Variants in TOP2A observed in about 807,000 individuals in gnomAD.
TOP2A encodes the protein DNA topoisomerase 2-alpha.
Under a neutral mutation model 187.2 loss-of-function variants are expected in TOP2A, and 68 were observed. The observed-to-expected ratio is 0.36, with a 90% CI of 0.30 to 0.44. TOP2A has a LOEUF of 0.44. Among genes scored for constraint, TOP2A ranks in the 20% least tolerant of loss-of-function variants. The probability of loss-of-function intolerance (pLI) is 1.00; values close to 1 mark genes in which losing one functional copy is unlikely to be tolerated. For synonymous variants in TOP2A, 542 were observed against 593.2 expected, an observed-to-expected ratio of 0.91 and a Z score of 1.25; for missense variants, 1,196 against 1,808.7, an observed-to-expected ratio of 0.66 and a Z score of 6.14.
At chr17:40,414,986 G>A (rs1293370088) in intron 4 of TOP2A, among the ~76,000 whole-genome samples, 5 of 150,458 alleles carry the variant, frequency 3.3e-5, no homozygotes, top group Admixed American at 1.3e-4. Flanking sequence ...TTAATAACTC[G>A]ATATACATTA....
rs748419141 is a variant in TOP2A at position 40,395,552 on chromosome 17, A to G, written c.3721-13T>C. The G allele has an allele frequency of 1.7e-5, 26 of 1,560,774 alleles. No homozygotes were observed. The highest frequency in any genetic ancestry group is 2.3e-5 in the Non-Finnish European group (26 of 1,135,854). On this transcript the variant is annotated splice_polypyrimidine_tract_variant and intron_variant, in intron 28 of 34. Transcript: ENST00000423485. ...CAGTATTTTCATTCTAAAAGATAGC[A>G]AAGTTAGGGTTGGATATAGAATAAA...
chr17:40,415,297 GC>G (rs2035377079), intron 4 of TOP2A, among the ~76,000 whole-genome samples: 2 of 152,058 alleles, frequency 1.3e-5, no homozygotes, highest in South Asian at 4.2e-4. Flanking sequence ...CTTGTGATCC[GC>G]CCGCATCGGC....
chr17:40,406,340 G>T, intron 16 of TOP2A, 44 bp downstream of exon 16: 2 of 1,423,506 alleles, frequency 1.4e-6, no homozygotes, highest in South Asian at 1.3e-5. Flanking sequence ...CTAAAGTAGT[G>T]ATTTCTAAAA....
rs1010543756 is a variant in TOP2A, at chr17:40,417,851, G to T, written c.-60C>A. 6.2e-7 allele frequency: 1 copy of T among 1,607,334 alleles called. No homozygotes were observed. The highest frequency in any genetic ancestry group is 1.1e-5 in the South Asian group (1 of 90,468). On this transcript the variant is annotated 5_prime_UTR_variant, in exon 1 of 35. Transcript: ENST00000423485. ...AGCGACTAAACAGGCAGGACCCCAC[G>T]AGACCACCCCCGACCAAGCCGCTTC...
intron 29 of TOP2A, among the ~76,000 whole-genome samples, chr17:40,393,323 T>C (rs570130248): frequency 2.6e-5 from 4 of 151,046 alleles, no homozygotes; most frequent in African/African-American, 9.7e-5. Context: ...TGAAATCTTG[T>C]CTCAAAAAAA....
At chr17:40,389,793 T>C (rs1392700212) in intron 34 of TOP2A, 146 bp from the exon 35 acceptor site, 10 of 1,263,228 alleles carry the variant, frequency 7.9e-6, no homozygotes, top group African/African-American at 1.5e-5. Context: ...AACTCTTCCA[T>C]TGCCCAAATA....
At position 40,406,636 on chromosome 17, in the gene TOP2A, C is replaced by T. The variant is rs778178621; in HGVS notation, c.1791G>A (p.Glu597=). 2 of 1,612,486 alleles carry T rather than the reference C, an allele frequency of 1.2e-6. No homozygotes were observed. Among genetic ancestry groups the T allele is most frequent in the Non-Finnish European group, 1.7e-6 (2 of 1,179,576 alleles). Residue 597 remains glutamate (E), a synonymous_variant, in exon 15 of 35, where the codon GAG becomes GAA. Transcript: ENST00000423485. ...MAFYSLPEFE[E]WKSSTPNHKK... Reference sequence around the variant, plus strand: ...TATGATTTGGAGTAGAACTCTTCCACTCTTCAAATTCAGGAAGGCTGTAAA... The same window carrying T: ...TATGATTTGGAGTAGAACTCTTCCATTCTTCAAATTCAGGAAGGCTGTAAA...
At chr17:40,399,649 T>C (rs551700665) in intron 24 of TOP2A, among the ~76,000 whole-genome samples, 3 of 152,196 alleles carry the variant, frequency 2.0e-5, no homozygotes, top group South Asian at 2.1e-4. Flanking sequence ...TCATGTCTAA[T>C]TGTCAACTAA....
At chr17:40,399,347 T>G in intron 24 of TOP2A, 1 of 351,994 alleles carries the variant, frequency 2.8e-6, no homozygotes, top group Non-Finnish European at 5.2e-6. Flanking sequence ...TCAAATCATT[T>G]TTTTTTGGAG....
chr17:40,392,068 C>T lies in TOP2A; in HGVS notation c.4132G>A (p.Asp1378Asn), dbSNP rs2143621593. The T allele has an allele frequency of 6.2e-7, 1 of 1,611,652 alleles. No individual in the cohort carries two copies. The highest frequency in any genetic ancestry group is 8.5e-7 in the Non-Finnish European group (1 of 1,179,120). Residue 1378 changes from aspartate to asparagine, a missense_variant and splice_region_variant, in exon 32 of 35, where the codon GAC becomes AAC. Coordinates refer to ENST00000423485, the MANE Select transcript of TOP2A (RefSeq NM_001067.4). Reference protein sequence around the residue: ...ELKPQKSVVSDLEADDVKGSV... With the variant: ...ELKPQKSVVSNLEADDVKGSV... ...TCACTACTTTTACTTAAATACATAC[C>T]TGACACGACACTTTTCTGTGGTTTC...
At chr17:40,396,486 A>G (rs1262924017) in intron 27 of TOP2A, 21 bp from the exon 28 acceptor site, 2 of 1,600,148 alleles carry the variant, frequency 1.2e-6, no homozygotes, top group Admixed American at 1.7e-5. Context: ...GATATAAGAA[A>G]GCAAGTTTAA....
intron 34 of TOP2A, 127 bp from the exon 35 acceptor site, chr17:40,389,774 T>C: frequency 7.5e-7 from 1 of 1,336,110 alleles, no homozygotes; most frequent in Non-Finnish European, 1.0e-6. Flanking sequence ...AAGAAGCAGA[T>C]CTAAGGCCAA....
At chr17:40,408,405 G>A (rs2035274716) in intron 11 of TOP2A, 87 bp downstream of exon 11, 3 of 1,353,436 alleles carry the variant, frequency 2.2e-6, no homozygotes, top group East Asian at 2.4e-5. Context: ...TTCTGTCAAG[G>A]GAAAAATAAA....
intron 4 of TOP2A, among the ~76,000 whole-genome samples, chr17:40,413,924 T>C (rs1368544206): frequency 6.6e-6 from 1 of 152,090 alleles, no homozygotes. Flanking sequence ...CTCAAAGTGT[T>C]GGGGTTATAG....
Position 40,404,781 on chromosome 17 carries a change from A to T in TOP2A, c.2046+10T>A. The T allele has an allele frequency of 6.4e-7, 1 of 1,573,292 alleles. No individual in the cohort carries two copies. Among genetic ancestry groups the T allele is most frequent in the Non-Finnish European group, 8.7e-7 (1 of 1,149,244 alleles). ...CAATCCATTTTGTGGCATATATTTA[A>T]AACTTTTACCTCAGGAAGCCCAAGT... On this transcript the variant is annotated intron_variant, in intron 17 of 34. Transcript: ENST00000423485.
chr17:40,398,906 T>C lies in TOP2A; in HGVS notation c.3320A>G (p.Asp1107Gly). The change falls in exon 26 of 35, where the codon GAC (aspartate) becomes GGC (glycine). Residue 1107 changes from aspartate to glycine, a missense_variant. Physicochemically the swap from Asp to Gly is moderately conservative, Grantham distance 94 (BLOSUM62 -1). This residue lies in a region of TOP2A where 232 missense variants were observed against 306.1 expected (regional missense o/e 0.76). Transcript: ENST00000423485. ...ACTCTTTTCAGTTTCCTTTTCGTTG[T>C]CACTCTCTTCATTTTCTTCTTCATC... ...VPDEEENEES[D>G]NEKETEKSDS... The C allele has an allele frequency of 1.9e-6, 3 of 1,610,482 alleles. No homozygotes were observed. The highest frequency in any genetic ancestry group is 2.5e-6 in the Non-Finnish European group (3 of 1,178,816).
In TOP2A at chr17:40,417,886, G is replaced by C; in HGVS notation, c.-95C>G. Reference sequence around the variant, plus strand: ...CCGACCAAGCCGCTTCTCCACAGACGCGCGTCGGTTAGGAGAGCTCCACTT... The same window carrying C: ...CCGACCAAGCCGCTTCTCCACAGACCCGCGTCGGTTAGGAGAGCTCCACTT... On this transcript the variant is annotated 5_prime_UTR_variant, in exon 1 of 35. Transcript: ENST00000423485. 8 of 1,560,228 alleles carry C rather than the reference G, an allele frequency of 5.1e-6. No individual in the cohort carries two copies. The highest frequency in any genetic ancestry group is 7.0e-6 in the Non-Finnish European group (8 of 1,142,286).
Position 40,402,801 on chromosome 17 carries a change from C to T in TOP2A, c.2432+105G>A. 4 of 1,265,996 alleles carry T rather than the reference C, an allele frequency of 3.2e-6. No individual in the cohort carries two copies. In the South Asian group the frequency reaches 6.0e-5, roughly 19 times the overall value. The allele number at this position is 1,265,996 out of a possible 1,614,324, so 78.4% of individuals were successfully genotyped here. A position where few individuals can be genotyped will look rare whatever the true frequency, so the allele number is the denominator to read the frequency against. ...CACCCCTGGCCTCTGCCACTAGATGCCAGTATCTTCTGATTAACTGAGTTT... is the reference window on the plus strand; with the variant it reads ...CACCCCTGGCCTCTGCCACTAGATGTCAGTATCTTCTGATTAACTGAGTTT... On this transcript the variant is annotated intron_variant, in intron 20 of 34. Transcript: ENST00000423485.
At chr17:40,398,748 A>T (rs2035135266) in intron 26 of TOP2A, 25 bp downstream of exon 26, 2 of 1,607,270 alleles carry the variant, frequency 1.2e-6, no homozygotes, top group East Asian at 4.5e-5. Context: ...ACTAAGCAGC[A>T]TGTACCATCC....
Sources: allele counts gnomAD v4.1 joint callset (sites outside exome capture counted in the v4.1 genomes callset), GRCh38; gene constraint gnomAD v4.1.1; regional missense constraint gnomAD v4.1.1; transcripts MANE v1.5; gene names NCBI Gene and HGNC (gene_info 2026-07-23, HGNC 2026-07-21).